Variants in NUMB observed in about 807,000 individuals in gnomAD.
NUMB encodes the protein NUMB endocytic adaptor protein.
NUMB carries 29 observed loss-of-function variants against 59.7 expected under a neutral mutation model. That is an observed-to-expected ratio of 0.49 (90% CI 0.36 to 0.66). NUMB has a LOEUF of 0.66. NUMB is among the 30% of genes least tolerant of loss of function. The probability of loss-of-function intolerance (pLI) is 0.00; values close to 1 mark genes in which losing one functional copy is unlikely to be tolerated. For synonymous variants in NUMB, 288 were observed against 288.2 expected, an observed-to-expected ratio of 1.00 and a Z score of 0.01; for missense variants, 723 against 822.0, an observed-to-expected ratio of 0.88 and a Z score of 1.47.
At position 73,286,906 on chromosome 14, in the gene NUMB, ACT is replaced by A. The variant is rs1232414260; in HGVS notation, c.655+202_655+203del. 5 of 579,346 alleles carry A rather than the reference ACT, an allele frequency of 8.6e-6. No individual in the cohort carries two copies. In the African/African-American group the frequency reaches 9.3e-5, roughly 11 times the overall value. The allele number at this position is 579,346 out of a possible 1,614,324, so 35.9% of individuals were successfully genotyped here. On this transcript the variant is annotated intron_variant, in intron 9 of 12. Coordinates refer to ENST00000555238, the MANE Select transcript of NUMB (RefSeq NM_001005743.2). ...TGCACTCTGATTCCTCAGATAGCTT[ACT>A]ATAATGGAGTAAATATTTTTGAAGC...
At chr14:73,452,998 C>T (rs568358401) in intron 1 of NUMB, among the ~76,000 whole-genome samples, 35 of 152,306 alleles carry the variant, frequency 2.3e-4, no homozygotes, top group African/African-American at 8.2e-4. Flanking sequence ...CCACTCATTC[C>T]TCTAGATACA....
rs1302858973 is a variant in NUMB, at chr14:73,357,634, G to A, written c.-15-1868C>T. The stretch of plus-strand genomic sequence containing the variant: ...AAAAATTAGTTGGGCGTGGTGGCAC[G>A]CACCTGTAATCCCAGCTACTCAGGA... On this transcript the variant is annotated intron_variant, in intron 3 of 12. Transcript: ENST00000555238. 4.0e-5 allele frequency among the ~76,000 whole-genome samples: 6 copies of A among 151,770 alleles called. No homozygotes were observed. The East Asian group carries it at 9.7e-4, about 25-fold the overall frequency.
intron 4 of NUMB, among the ~76,000 whole-genome samples, chr14:73,338,083 G>A (rs1892442780): frequency 6.6e-6 from 1 of 152,118 alleles, no homozygotes; most frequent in Non-Finnish European, 1.5e-5. Context: ...CCAGGAGTTT[G>A]AGACCAGCTT....
chr14:73,402,265 G>A (rs2333138), intron 2 of NUMB, among the ~76,000 whole-genome samples: 121,889 of 152,150 alleles, frequency 0.8, 49,378 homozygotes, highest in African/African-American at 0.92. Context: ...CTAATCAACA[G>A]TATCTCCTTG....
chr14:73,430,900 G>A (rs1405201922), intron 1 of NUMB, among the ~76,000 whole-genome samples: 1 of 151,084 alleles, frequency 6.6e-6, no homozygotes, highest in Non-Finnish European at 1.5e-5. Flanking sequence ...AGCCGAGATT[G>A]CGCCACTGCA....
intron 4 of NUMB, among the ~76,000 whole-genome samples, chr14:73,350,048 C>CATAT (rs1178222998): frequency 4.2e-5 from 6 of 141,886 alleles, no homozygotes; most frequent in African/African-American, 1.7e-4. Flanking sequence ...GTCTCACATA[C>CATAT]ATACATACAT....
At chr14:73,313,414 G>A (rs1890888817) in intron 6 of NUMB, among the ~76,000 whole-genome samples, 1 of 151,798 alleles carries the variant, frequency 6.6e-6, no homozygotes, top group South Asian at 2.1e-4. Flanking sequence ...CTCCACATGG[G>A]TGGCTGAGAT....
At chr14:73,330,684 C>G (rs1261122527) in intron 4 of NUMB, among the ~76,000 whole-genome samples, 1 of 152,196 alleles carries the variant, frequency 6.6e-6, no homozygotes. Flanking sequence ...TATATGTCTT[C>G]GCTTTTTAAG....
chr14:73,306,241 T>C (rs530582619), intron 6 of NUMB, among the ~76,000 whole-genome samples: 8 of 152,294 alleles, frequency 5.3e-5, no homozygotes, highest in Admixed American at 2.0e-4. Flanking sequence ...GAGCATGTCA[T>C]GAACTACACA....
chr14:73,386,732 T>A (rs1895545277), intron 2 of NUMB, among the ~76,000 whole-genome samples: 1 of 152,130 alleles, frequency 6.6e-6, no homozygotes, highest in Non-Finnish European at 1.5e-5. Flanking sequence ...TCTAAAGATC[T>A]TAAAAACCCT....
chr14:73,444,667 G>T (rs1883332849), intron 1 of NUMB, among the ~76,000 whole-genome samples: 1 of 151,732 alleles, frequency 6.6e-6, no homozygotes, highest in Admixed American at 6.6e-5. Context: ...AGACTTTCCT[G>T]GCCAACATGG....
intron 1 of NUMB, among the ~76,000 whole-genome samples, chr14:73,433,495 C>T (rs990915678): frequency 1.3e-5 from 2 of 152,086 alleles, no homozygotes; most frequent in South Asian, 2.1e-4. Flanking sequence ...CATCAACTTC[C>T]TTTTTCACTC....
intron 1 of NUMB, among the ~76,000 whole-genome samples, chr14:73,414,824 A>C (rs1444574643): frequency 6.6e-6 from 1 of 152,034 alleles, no homozygotes; most frequent in Admixed American, 6.5e-5. Flanking sequence ...GGTTCACGCT[A>C]TTCTCCTGCC....
chr14:73,437,042 T>TC (rs1491428499), intron 1 of NUMB, among the ~76,000 whole-genome samples: 13 of 56,232 alleles, frequency 2.3e-4, no homozygotes, highest in East Asian at 2.1e-3. Flanking sequence ...TTTCTCTCTC[T>TC]TTTTTTTTTT....
chr14:73,400,925 A>T (rs1278391315), intron 2 of NUMB, among the ~76,000 whole-genome samples: 1 of 152,192 alleles, frequency 6.6e-6, no homozygotes, highest in Non-Finnish European at 1.5e-5. Context: ...ATGTAAATGA[A>T]GTGTTTCCCT....
At chr14:73,406,933 A>G (rs536214951) in intron 2 of NUMB, among the ~76,000 whole-genome samples, 3 of 151,878 alleles carry the variant, frequency 2.0e-5, no homozygotes, top group Admixed American at 6.6e-5. Context: ...CCACTTTTTG[A>G]TGGGGTTGTT....
intron 9 of NUMB, chr14:73,285,493 G>A (rs1417578078): frequency 6.6e-6 from 1 of 151,610 alleles, no homozygotes; most frequent in Admixed American, 6.6e-5. Context: ...TGGCTTCCTG[G>A]TGCAAATATT....
intron 4 of NUMB, among the ~76,000 whole-genome samples, chr14:73,335,697 C>T (rs531453324): frequency 6.6e-6 from 1 of 152,160 alleles, no homozygotes; most frequent in Non-Finnish European, 1.5e-5. Context: ...TAGATTCCCT[C>T]CCCCTGCTTT....
At chr14:73,338,097 C>A (rs957306700) in intron 4 of NUMB, among the ~76,000 whole-genome samples, 14 of 152,034 alleles carry the variant, frequency 9.2e-5, no homozygotes, top group African/African-American at 3.1e-4. Flanking sequence ...CCAGCTTGGA[C>A]AACATAGTGA....
Sources: gnomAD v4.1 joint callset for allele counts (sites outside exome capture counted in the v4.1 genomes callset) on GRCh38, gnomAD v4.1.1 for gene constraint, MANE v1.5 for transcripts, NCBI Gene and HGNC (gene_info 2026-07-23, HGNC 2026-07-21) for gene names.